MYO1F: variants seen among roughly 807,000 people sequenced by gnomAD.
MYO1F encodes the protein myosin IF.
MYO1F carries 60 observed loss-of-function variants against 146.6 expected under a neutral mutation model. That is an observed-to-expected ratio of 0.41 (90% CI 0.33 to 0.51). The LOEUF (loss-of-function observed/expected upper bound fraction) is 0.51. Among genes scored for constraint, MYO1F ranks in the 20% least tolerant of loss-of-function variants. MYO1F has a pLI of 0.25. For missense variants in MYO1F, 1,274 were observed against 1,534.3 expected (o/e 0.83, Z 2.83); for synonymous variants, 602 against 602.1 (o/e 1.00, Z 0.00).
At chr19:8,568,528 G>C (rs140344714) in intron 1 of MYO1F, among the ~76,000 whole-genome samples, 47 of 151,964 alleles carry the variant, frequency 3.1e-4, no homozygotes, top group Middle Eastern at 6.8e-3. Context: ...GAGAATTTTG[G>C]CATGTGATGG....
chr19:8,522,550 T>G lies in MYO1F; in HGVS notation c.3051-4A>C. 1 of 1,611,448 alleles carries G rather than the reference T, an allele frequency of 6.2e-7. No individual in the cohort carries two copies. The highest frequency in any genetic ancestry group is 1.1e-5 in the South Asian group (1 of 90,698). On this transcript the variant is annotated splice_polypyrimidine_tract_variant and splice_region_variant and intron_variant, in intron 26 of 27. Transcript: ENST00000644032. ...CACGCTGCGCTTCCTCTGCATGCTG[T>G]GGGCACAGGGGGTTTGAGTCACAGC...
At chr19:8,544,554 G>A (rs1012785053) in intron 13 of MYO1F, 90 bp from the exon 14 acceptor site, 1 of 1,393,612 alleles carries the variant, frequency 7.2e-7, no homozygotes, top group South Asian at 1.2e-5. Context: ...GGAGGGAGGG[G>A]GTGGAGGAGT....
At chr19:8,535,185 T>A (rs1339228681) in intron 19 of MYO1F, among the ~76,000 whole-genome samples, 1 of 152,210 alleles carries the variant, frequency 6.6e-6, no homozygotes, top group Admixed American at 6.6e-5. Context: ...TTGCTGAGAT[T>A]ACAGGTGTGA....
intron 12 of MYO1F, among the ~76,000 whole-genome samples, chr19:8,546,453 G>C (rs567312069): frequency 6.6e-6 from 1 of 151,882 alleles, no homozygotes; most frequent in East Asian, 1.9e-4. Context: ...TTGACCTCCA[G>C]GGTTCAAGTG....
chr19:8,529,661 T>C (rs112088495), intron 21 of MYO1F: 3,827 of 236,480 alleles, frequency 0.016, 43 homozygotes, highest in African/African-American at 0.037. Flanking sequence ...AAGGGTGGCC[T>C]CGTGGTTGGG....
At chr19:8,563,291 C>A (rs1473633113) in intron 1 of MYO1F, among the ~76,000 whole-genome samples, 1 of 143,592 alleles carries the variant, frequency 7.0e-6, no homozygotes, top group Non-Finnish European at 1.5e-5. Context: ...CTGTGCTTGG[C>A]CACTTTTTTT....
chr19:8,523,144 G>A (rs1431291140), intron 25 of MYO1F, among the ~76,000 whole-genome samples: 1 of 150,512 alleles, frequency 6.6e-6, no homozygotes, highest in East Asian at 2.0e-4. Context: ...CCATTCTCCT[G>A]CCTCAGCCTC....
intron 1 of MYO1F, among the ~76,000 whole-genome samples, chr19:8,563,821 G>T (rs957729733): frequency 6.6e-5 from 10 of 151,868 alleles, no homozygotes; most frequent in Non-Finnish European, 1.3e-4. Flanking sequence ...TTGAGACAGG[G>T]TTTTTCTATG....
intron 4 of MYO1F, among the ~76,000 whole-genome samples, chr19:8,553,923 CGCTCTCTT>C (rs1973733187): frequency 6.7e-6 from 1 of 149,630 alleles, no homozygotes; most frequent in Admixed American, 6.7e-5. Context: ...CTCTCTCTCT[CGCTCTCTT>C]TCTCTCTCTC....
At chr19:8,572,854 C>G (rs1036710782) in intron 1 of MYO1F, among the ~76,000 whole-genome samples, 2 of 152,134 alleles carry the variant, frequency 1.3e-5, no homozygotes, top group African/African-American at 4.8e-5. Context: ...TGCCACCATG[C>G]CTGGCTAACT....
chr19:8,545,897 A>G (rs550523645), intron 12 of MYO1F, among the ~76,000 whole-genome samples, 161 bp from the exon 13 acceptor site: 9 of 152,124 alleles, frequency 5.9e-5, no homozygotes, highest in African/African-American at 2.2e-4. Flanking sequence ...AGGGAATTAC[A>G]TCTGGTTTCA....
At chr19:8,559,851 G>A (rs1223607240) in intron 1 of MYO1F, among the ~76,000 whole-genome samples, 2 of 151,214 alleles carry the variant, frequency 1.3e-5, no homozygotes, top group Non-Finnish European at 2.9e-5. Flanking sequence ...TCGGGAGGCT[G>A]AGGCAGGAGA....
At chr19:8,525,273 T>G (rs2145824672) in intron 25 of MYO1F, 3 of 432,982 alleles carry the variant, frequency 6.9e-6, no homozygotes, top group East Asian at 4.1e-5. Flanking sequence ...AAGATGTCAG[T>G]GGTTAGCTGG....
At chr19:8,549,175 C>T (rs1973499522) in intron 10 of MYO1F, among the ~76,000 whole-genome samples, 1 of 151,382 alleles carries the variant, frequency 6.6e-6, no homozygotes. Flanking sequence ...TGATCTTGAA[C>T]TCCTGACCTT....
At chr19:8,545,778 G>A (rs367664156) in intron 12 of MYO1F, 42 bp from the exon 13 acceptor site, 221 of 1,455,760 alleles carry the variant, frequency 1.5e-4, no homozygotes, top group Non-Finnish European at 2.1e-4. Flanking sequence ...CAGTGAAAAA[G>A]TTGTGGCCAC....
rs535445367 is a variant in MYO1F, at chr19:8,561,624, T to C, written c.4-5828A>G. 2.3e-3 allele frequency among the ~76,000 whole-genome samples: 332 copies of C among 147,232 alleles called. 1 individual carries two copies. The highest frequency in any genetic ancestry group is 3.8e-3 in the Non-Finnish European group (258 of 67,070). On this transcript the variant is annotated intron_variant, in intron 1 of 27. Transcript: ENST00000644032. ...TCTCTTTTTTCTTTCTCTCTTTCTTTCTTCTTTCTTTCCTTCTTTCCTTCC... is the reference window on the plus strand; with the variant it reads ...TCTCTTTTTTCTTTCTCTCTTTCTTCCTTCTTTCTTTCCTTCTTTCCTTCC...
rs200155068 is a variant in MYO1F at position 8,551,910 on chromosome 19, G to A, written c.637-36C>T. 244 of 1,613,842 alleles carry A rather than the reference G, an allele frequency of 1.5e-4. No homozygotes were observed. Among genetic ancestry groups the A allele is most frequent in the Admixed American group, 3.3e-5 (2 of 59,956 alleles). ...TGCCATGTTCATGCATCTGGTGCTTGCCTGGCTCAGCCCCTGTGATCCCTC... is the reference window on the plus strand; with the variant it reads ...TGCCATGTTCATGCATCTGGTGCTTACCTGGCTCAGCCCCTGTGATCCCTC... On this transcript the variant is annotated intron_variant, in intron 7 of 27. Coordinates refer to ENST00000644032, the MANE Select transcript of MYO1F (RefSeq NM_012335.4).
At chr19:8,556,945 T>G (rs549560580) in intron 1 of MYO1F, among the ~76,000 whole-genome samples, 19 of 150,926 alleles carry the variant, frequency 1.3e-4, no homozygotes, top group African/African-American at 4.4e-4. Flanking sequence ...TACTGTCTTA[T>G]TCCAACTATA....
chr19:8,573,310 CA>C (rs1294532309), intron 1 of MYO1F, among the ~76,000 whole-genome samples: 11 of 145,418 alleles, frequency 7.6e-5, no homozygotes, highest in Middle Eastern at 3.2e-3. Context: ...GACTCTGTCT[CA>C]AAAAAAAAAG....
Sources: gnomAD v4.1 joint callset for allele counts (sites outside exome capture counted in the v4.1 genomes callset) on GRCh38, gnomAD v4.1.1 for gene constraint, MANE v1.5 for transcripts, NCBI Gene and HGNC (gene_info 2026-07-23, HGNC 2026-07-21) for gene names.